The following LRRC4C variants were observed in gnomAD, a reference collection of about 807,000 sequenced individuals.
LRRC4C encodes the protein leucine-rich repeat-containing protein 4C.
In LRRC4C, 5 loss-of-function variants were observed where a neutral mutation model predicts 33.6. The observed-to-expected ratio is 0.15, with a 90% confidence interval of 0.08 to 0.31. LRRC4C has a LOEUF of 0.31. Among genes scored for constraint, LRRC4C ranks in the 10% least tolerant of loss-of-function variants. LRRC4C has a pLI of 1.00. For missense variants in LRRC4C, 560 were observed against 796.7 expected (o/e 0.70, Z 3.58); for synonymous variants, 329 against 302.0 (o/e 1.09, Z -0.93).
intron 1 of LRRC4C, among the ~76,000 whole-genome samples, chr11:41,373,896 T>C (rs1025558166): frequency 6.6e-6 from 1 of 152,194 alleles, no homozygotes; most frequent in African/African-American, 2.4e-5. Context: ...AATATTGCTT[T>C]TGAATGTTGG....
At chr11:40,250,884 G>A (rs1408052516) in intron 4 of LRRC4C, among the ~76,000 whole-genome samples, 6 of 152,142 alleles carry the variant, frequency 3.9e-5, no homozygotes, top group African/African-American at 1.4e-4. Flanking sequence ...ATATGAACTT[G>A]TGATGACAGA....
chr11:40,572,019 G>C (rs528284953), intron 3 of LRRC4C, among the ~76,000 whole-genome samples: 2 of 152,076 alleles, frequency 1.3e-5, no homozygotes, highest in African/African-American at 2.4e-5. Context: ...CAGGGTTTCC[G>C]TATTCCTTCC....
chr11:41,213,275 G>T (rs1375467686), intron 1 of LRRC4C, among the ~76,000 whole-genome samples: 1 of 152,168 alleles, frequency 6.6e-6, no homozygotes, highest in African/African-American at 2.4e-5. Context: ...ATTACTCCAT[G>T]AAATGATGTG....
rs537668945 is a variant in LRRC4C, at chr11:41,195,773, ATCAATAAATCTC to A, written c.-495-262062_-495-262051del. 2.0e-5 allele frequency among the ~76,000 whole-genome samples: 3 copies of A among 152,226 alleles called. No homozygotes were observed. In the South Asian group the frequency reaches 6.2e-4, roughly 32 times the overall value. ...GTGTAAAAGGAGCAAGTTTTTTTTA[ATCAATAAATCTC>A]TTTAAGTTTCCTTTATTGTGTCTTC... is the stretch of plus-strand genomic sequence containing the variant. On this transcript the variant is annotated intron_variant, in intron 1 of 6. Coordinates refer to ENST00000528697, the MANE Select transcript of LRRC4C (RefSeq NM_001258419.2).
chr11:41,042,705 C>T (rs1282684685), intron 1 of LRRC4C, among the ~76,000 whole-genome samples: 2 of 152,114 alleles, frequency 1.3e-5, no homozygotes, highest in Admixed American at 1.3e-4. Flanking sequence ...CAATCATAGT[C>T]GCAGTTGCAT....
chr11:41,411,091 T>A (rs1056892370), intron 1 of LRRC4C, among the ~76,000 whole-genome samples: 1 of 151,126 alleles, frequency 6.6e-6, no homozygotes, highest in African/African-American at 2.4e-5. Context: ...GTTTCCGCAT[T>A]GGAAGGTTTA....
At chr11:40,466,044 A>C (rs532109572) in intron 3 of LRRC4C, among the ~76,000 whole-genome samples, 4 of 152,218 alleles carry the variant, frequency 2.6e-5, no homozygotes, top group African/African-American at 7.2e-5. Context: ...ATGACTGAAT[A>C]AAGAAAATAT....
intron 1 of LRRC4C, among the ~76,000 whole-genome samples, chr11:41,135,741 T>C (rs984145683): frequency 6.6e-6 from 1 of 152,224 alleles, no homozygotes; most frequent in Non-Finnish European, 1.5e-5. Flanking sequence ...TCTACCTTAC[T>C]GCTCACTGAA....
chr11:41,123,046 T>C (rs1244358284), intron 1 of LRRC4C: 1 of 152,112 alleles, frequency 6.6e-6, no homozygotes, highest in Non-Finnish European at 1.5e-5. Flanking sequence ...GTCTTGAGTA[T>C]GTATGTTGAA....
At chr11:40,249,812 T>C (rs1866636079) in intron 4 of LRRC4C, among the ~76,000 whole-genome samples, 1 of 152,106 alleles carries the variant, frequency 6.6e-6, no homozygotes, top group Non-Finnish European at 1.5e-5. Context: ...TATTTTACAA[T>C]TTCAAAATCA....
intron 3 of LRRC4C, among the ~76,000 whole-genome samples, chr11:40,549,277 A>T (rs568494034): frequency 6.6e-6 from 1 of 152,072 alleles, no homozygotes; most frequent in Non-Finnish European, 1.5e-5. Context: ...CTGAAACAAC[A>T]CTCTGAGAAC....
intron 3 of LRRC4C, among the ~76,000 whole-genome samples, chr11:40,566,086 GTTTT>G: frequency 1.8e-4 from 11 of 62,798 alleles, no homozygotes; most frequent in Non-Finnish European, 3.2e-4. Context: ...TTTTTACTAA[GTTTT>G]TTTTTTTTTT....
At chr11:40,690,736 A>C (rs1212551104) in intron 2 of LRRC4C, among the ~76,000 whole-genome samples, 1 of 152,100 alleles carries the variant, frequency 6.6e-6, no homozygotes, top group Non-Finnish European at 1.5e-5. Flanking sequence ...GGCTTATAAA[A>C]AGAGAAGTGG....
At chr11:41,296,892 G>T (rs576792629) in intron 1 of LRRC4C, among the ~76,000 whole-genome samples, 1 of 152,210 alleles carries the variant, frequency 6.6e-6, no homozygotes, top group South Asian at 2.1e-4. Context: ...TCTTGAATTT[G>T]TCAATATTTT....
At chr11:41,055,162 T>G (rs993266958) in intron 1 of LRRC4C, among the ~76,000 whole-genome samples, 1 of 152,192 alleles carries the variant, frequency 6.6e-6, no homozygotes, top group Non-Finnish European at 1.5e-5. Context: ...ATTAATTTTA[T>G]TTAAATTTTT....
At chr11:40,928,580 A>G (rs1338954421) in intron 2 of LRRC4C, among the ~76,000 whole-genome samples, 1 of 152,102 alleles carries the variant, frequency 6.6e-6, no homozygotes, top group Non-Finnish European at 1.5e-5. Flanking sequence ...TGTGGCCAGC[A>G]GCCTTCTTAA....
chr11:40,786,719 T>C (rs1950424160), intron 2 of LRRC4C, among the ~76,000 whole-genome samples: 1 of 151,994 alleles, frequency 6.6e-6, no homozygotes, highest in Non-Finnish European at 1.5e-5. Context: ...TTAAAAATAT[T>C]TTACTTCCTC....
At chr11:40,156,631 G>T (rs1248017688) in intron 5 of LRRC4C, among the ~76,000 whole-genome samples, 1 of 151,000 alleles carries the variant, frequency 6.6e-6, no homozygotes, top group East Asian at 2.0e-4. Flanking sequence ...ACAAAAAACA[G>T]AAACAAAAAC....
At chr11:40,522,444 C>G (rs56336706) in intron 3 of LRRC4C, among the ~76,000 whole-genome samples, 2 of 152,056 alleles carry the variant, frequency 1.3e-5, no homozygotes, top group Non-Finnish European at 2.9e-5. Context: ...GTGAGGGACC[C>G]AGTGGGAGAT....
Sources: gnomAD v4.1 joint callset for allele counts (sites outside exome capture counted in the v4.1 genomes callset) on GRCh38, gnomAD v4.1.1 for gene constraint, MANE v1.5 for transcripts, NCBI Gene and HGNC (gene_info 2026-07-23, HGNC 2026-07-21) for gene names.